The following SLC4A5 variants were observed in gnomAD, a reference collection of about 807,000 sequenced individuals.
SLC4A5 encodes the protein electrogenic sodium bicarbonate cotransporter 4.
Under a neutral mutation model 120.4 loss-of-function variants are expected in SLC4A5, and 96 were observed. The observed-to-expected ratio is 0.80, with a 90% CI of 0.68 to 0.94. SLC4A5 has a LOEUF of 0.94. Among genes scored for constraint, SLC4A5 ranks in the 40% least tolerant of loss-of-function variants. SLC4A5 has a pLI of 0.00. For synonymous variants in SLC4A5, 550 were observed against 571.1 expected (o/e 0.96, Z 0.53); for missense variants, 1,259 against 1,459.5 (o/e 0.86, Z 2.24).
At chr2:74,238,667 A>G (rs1255918048) in intron 21 of SLC4A5, among the ~76,000 whole-genome samples, 2 of 152,226 alleles carry the variant, frequency 1.3e-5, no homozygotes, top group African/African-American at 2.4e-5. Context: ...AATCACAAAG[A>G]AACACTGTCT....
chr2:74,240,877 C>A (rs1424787387), intron 20 of SLC4A5, among the ~76,000 whole-genome samples: 2 of 152,128 alleles, frequency 1.3e-5, no homozygotes, highest in East Asian at 3.8e-4. Context: ...TAAGAAGCAA[C>A]CTTGGAGACA....
At chr2:74,302,459 A>G (rs1006720772) in intron 7 of SLC4A5, among the ~76,000 whole-genome samples, 2 of 152,092 alleles carry the variant, frequency 1.3e-5, no homozygotes, top group Non-Finnish European at 2.9e-5. Context: ...TCTACTAAAA[A>G]TACAAAAATT....
intron 5 of SLC4A5, among the ~76,000 whole-genome samples, chr2:74,321,705 G>T (rs1673103076): frequency 6.6e-6 from 1 of 151,504 alleles, no homozygotes; most frequent in Non-Finnish European, 1.5e-5. Flanking sequence ...CTCCTACACT[G>T]TCCAACAACC....
chr2:74,303,889 G>A (rs960213945), intron 7 of SLC4A5, among the ~76,000 whole-genome samples: 44 of 146,890 alleles, frequency 3.0e-4, no homozygotes, highest in African/African-American at 1.1e-3. Flanking sequence ...TCGCTCTGTC[G>A]CCCAGGCTGG....
intron 9 of SLC4A5, among the ~76,000 whole-genome samples, chr2:74,264,813 G>A (rs1295352785): frequency 6.6e-6 from 1 of 152,152 alleles, no homozygotes; most frequent in African/African-American, 2.4e-5. Flanking sequence ...GAAACAGGTT[G>A]TCATGGCAAG....
exon 10 of SLC4A5, chr2:74,264,184 G>A: frequency 6.2e-7 from 1 of 1,614,208 alleles, no homozygotes; most frequent in Non-Finnish European, 8.5e-7. Flanking sequence ...CAGCTAAGGA[G>A]CGGTGGATGG....
chr2:74,225,053 G>A (rs746151282), intron 27 of SLC4A5, 58 bp from the exon 28 acceptor site: 1 of 1,543,010 alleles, frequency 6.5e-7, no homozygotes, highest in African/African-American at 1.4e-5. Context: ...TGGTCTCAAT[G>A]CCCAAACTCA....
chr2:74,299,042 C>G (rs1271890758), intron 7 of SLC4A5, among the ~76,000 whole-genome samples: 1 of 152,128 alleles, frequency 6.6e-6, no homozygotes, highest in Non-Finnish European at 1.5e-5. Context: ...GGGTTTTTCC[C>G]ATGTTCTCAT....
intron 8 of SLC4A5, among the ~76,000 whole-genome samples, chr2:74,266,032 C>T (rs1671290851): frequency 6.6e-6 from 1 of 152,152 alleles, no homozygotes; most frequent in South Asian, 2.1e-4. Flanking sequence ...CAACTGAAAT[C>T]CCAAGGGAGG....
intron 25 of SLC4A5, among the ~76,000 whole-genome samples, chr2:74,228,609 G>A (rs547283817): frequency 3.3e-5 from 5 of 151,748 alleles, no homozygotes; most frequent in South Asian, 2.1e-4. Flanking sequence ...CAGCCTGGGC[G>A]AAAGAGACTC....
intron 8 of SLC4A5, among the ~76,000 whole-genome samples, chr2:74,277,232 G>A (rs752302685): frequency 6.6e-6 from 1 of 152,164 alleles, no homozygotes. Context: ...GATGCTGGGT[G>A]GGGGGCTCTT....
intron 4 of SLC4A5, among the ~76,000 whole-genome samples, chr2:74,330,417 G>T (rs1168368995): frequency 4.6e-5 from 7 of 151,072 alleles, no homozygotes; most frequent in African/African-American, 1.7e-4. Context: ...TGTAGATGGT[G>T]GTGGTGAGGT....
At chr2:74,340,652 T>C (rs1673602745) in intron 2 of SLC4A5, among the ~76,000 whole-genome samples, 1 of 152,176 alleles carries the variant, frequency 6.6e-6, no homozygotes, top group African/African-American at 2.4e-5. Flanking sequence ...CAAGAATCTG[T>C]AAAAGAATCA....
At chr2:74,250,512 A>T (rs1183268464) in exon 17 of SLC4A5, 1 of 1,614,198 alleles carries the variant, frequency 6.2e-7, no homozygotes, top group Non-Finnish European at 8.5e-7. Context: ...CAGGCCACCG[A>T]AGAACCTGCT....
At chr2:74,235,024 G>T in intron 22 of SLC4A5, 77 bp downstream of exon 22, 3 of 1,161,574 alleles carry the variant, frequency 2.6e-6, no homozygotes, top group South Asian at 1.3e-5. Flanking sequence ...AAGAGAGTTT[G>T]ATCAGCACAG....
intron 11 of SLC4A5, among the ~76,000 whole-genome samples, chr2:74,259,931 T>G (rs566661886): frequency 2.0e-5 from 3 of 152,302 alleles, no homozygotes; most frequent in Admixed American, 2.0e-4. Context: ...GTCACCAGGC[T>G]GTCTACTCTG....
chr2:74,276,434 T>G (rs1427323988), intron 8 of SLC4A5, among the ~76,000 whole-genome samples: 1 of 152,224 alleles, frequency 6.6e-6, no homozygotes, highest in East Asian at 1.9e-4. Context: ...ACTCAGAAGT[T>G]AGAGCTTCCA....
intron 25 of SLC4A5, among the ~76,000 whole-genome samples, chr2:74,228,977 G>T (rs1694956061): frequency 6.6e-6 from 1 of 152,076 alleles, no homozygotes; most frequent in Non-Finnish European, 1.5e-5. Flanking sequence ...GCTCCCCATG[G>T]TGAGCAGAGG....
At chr2:74,227,601 T>G in intron 26 of SLC4A5, 2 of 1,509,472 alleles carry the variant, frequency 1.3e-6, no homozygotes, top group South Asian at 2.3e-5. Flanking sequence ...ATTACATAGA[T>G]TCAATTATAT....
Sources: allele counts gnomAD v4.1 joint callset (sites outside exome capture counted in the v4.1 genomes callset), GRCh38; gene constraint gnomAD v4.1.1; transcripts MANE v1.5; gene names NCBI Gene and HGNC (gene_info 2026-07-23, HGNC 2026-07-21).